The following TSC22D1 variants were observed in gnomAD, a reference collection of about 807,000 sequenced individuals.
TSC22D1 encodes the protein TSC22 domain family protein 1.
In TSC22D1, 9 loss-of-function variants were observed where a neutral mutation model predicts 74.2. The observed-to-expected ratio is 0.12, with a 90% CI of 0.07 to 0.21. TSC22D1 has a LOEUF of 0.21. Ranked by LOEUF, TSC22D1 falls within the 10% of genes least tolerant of loss-of-function variation. TSC22D1 has a pLI of 1.00. For synonymous variants in TSC22D1, 586 were observed against 492.5 expected (o/e 1.19, Z -2.51); for missense variants, 1,427 against 1,304.7 (o/e 1.09, Z -1.44).
intron 1 of TSC22D1, among the ~76,000 whole-genome samples, chr13:44,566,363 A>G (rs1341188653): frequency 1.3e-5 from 2 of 152,212 alleles, no homozygotes; most frequent in African/African-American, 4.8e-5. Flanking sequence ...ATAAAATAGA[A>G]AAAAACTTAA....
chr13:44,441,218 A>G (rs1414251384), intron 1 of TSC22D1, among the ~76,000 whole-genome samples: 5 of 152,182 alleles, frequency 3.3e-5, no homozygotes, highest in Non-Finnish European at 4.4e-5. Context: ...CTGGTCTGCA[A>G]TGGTAAGGGA....
intron 1 of TSC22D1, among the ~76,000 whole-genome samples, chr13:44,543,376 T>C (rs930479199): frequency 1.3e-5 from 2 of 152,244 alleles, no homozygotes; most frequent in African/African-American, 2.4e-5. Context: ...TCAAATGTGC[T>C]ACAACTGACT....
At chr13:44,513,844 CA>C (rs1312245970) in intron 1 of TSC22D1, among the ~76,000 whole-genome samples, 1 of 152,148 alleles carries the variant, frequency 6.6e-6, no homozygotes, top group Non-Finnish European at 1.5e-5. Context: ...ATTCAGATGA[CA>C]AGTTACTTCA....
rs182940700 is a variant in TSC22D1, at chr13:44,551,720, C to T, written c.2912+21443G>A. The stretch of plus-strand genomic sequence containing the variant: ...ACAGGTGTGAGCCATCGTGCCCGGC[C>T]GCCATCAGCTGGTATTTTAAAGATT... On this transcript the variant is annotated intron_variant, in intron 1 of 2. Transcript: ENST00000458659. Among the ~76,000 whole-genome samples, 544 of 152,074 alleles carry T rather than the reference C, an allele frequency of 3.6e-3. 1 individual carries two copies. The highest frequency in any genetic ancestry group is 6.8e-3 in the Middle Eastern group (2 of 294).
At chr13:44,567,519 TAAAAAAGCTA>T (rs1321951551) in intron 1 of TSC22D1, among the ~76,000 whole-genome samples, 1 of 151,784 alleles carries the variant, frequency 6.6e-6, no homozygotes, top group Non-Finnish European at 1.5e-5. Flanking sequence ...AAAAACTTTT[TAAAAAAGCTA>T]ACATTTTATA....
chr13:44,536,990 T>C (rs1274196443), intron 1 of TSC22D1: 1 of 901,358 alleles, frequency 1.1e-6, no homozygotes, highest in Non-Finnish European at 1.3e-6. Context: ...AAAGAATACA[T>C]ATTCAGAAAT....
At chr13:44,517,316 C>T (rs531061071) in intron 1 of TSC22D1, among the ~76,000 whole-genome samples, 145 of 142,182 alleles carry the variant, frequency 1.0e-3, no homozygotes, top group African/African-American at 3.6e-3. Flanking sequence ...CCATCGTTAC[C>T]GTAAAAACAA....
intron 1 of TSC22D1, among the ~76,000 whole-genome samples, chr13:44,438,191 T>C (rs1874895853): frequency 6.6e-6 from 1 of 152,174 alleles, no homozygotes; most frequent in African/African-American, 2.4e-5. Flanking sequence ...AATGGCATAA[T>C]ATAAAAACCA....
chr13:44,568,815 C>A (rs985016394), intron 1 of TSC22D1, among the ~76,000 whole-genome samples: 3 of 152,114 alleles, frequency 2.0e-5, no homozygotes, highest in Non-Finnish European at 4.4e-5. Flanking sequence ...ACAGCGCTGA[C>A]AGATGAAAAC....
chr13:44,568,931 T>C (rs1459414127), intron 1 of TSC22D1, among the ~76,000 whole-genome samples: 1 of 152,070 alleles, frequency 6.6e-6, no homozygotes, highest in Non-Finnish European at 1.5e-5. Flanking sequence ...TTGACAAGAA[T>C]ACTGAATAAT....
chr13:44,537,591 G>A (rs1174566691), intron 1 of TSC22D1: 2 of 984,690 alleles, frequency 2.0e-6, no homozygotes, highest in Non-Finnish European at 2.4e-6. Flanking sequence ...TAAAACGATG[G>A]ACAGTTGTTT....
intron 1 of TSC22D1, among the ~76,000 whole-genome samples, chr13:44,464,438 C>G (rs890716996): frequency 1.3e-5 from 2 of 152,036 alleles, no homozygotes; most frequent in African/African-American, 4.8e-5. Context: ...ACTGACCTTA[C>G]GGAGTTTACA....
chr13:44,534,231 G>GAAAAAAAAA (rs375484588), intron 1 of TSC22D1, among the ~76,000 whole-genome samples: 2 of 99,980 alleles, frequency 2.0e-5, no homozygotes. Flanking sequence ...GTCTCAAGGA[G>GAAAAAAAAA]AAAAAAAAAA....
At chr13:44,549,122 T>C (rs1442116086) in intron 1 of TSC22D1, among the ~76,000 whole-genome samples, 4 of 152,168 alleles carry the variant, frequency 2.6e-5, no homozygotes, top group African/African-American at 7.2e-5. Flanking sequence ...ATTTTAAGTA[T>C]TACTTATGAT....
chr13:44,456,232 C>T lies in TSC22D1; in HGVS notation c.2913-20137G>A, dbSNP rs75725707. On this transcript the variant is annotated intron_variant, in intron 1 of 2. Coordinates refer to ENST00000458659, the MANE Select transcript of TSC22D1 (RefSeq NM_183422.4). ...TAACAGTAAAACAACAAAGCTTCCACGGCGGAGAAGAAGACCCGAGCGGGT... is the reference window on the plus strand; with the variant it reads ...TAACAGTAAAACAACAAAGCTTCCATGGCGGAGAAGAAGACCCGAGCGGGT... 1.2e-3 allele frequency among the ~76,000 whole-genome samples: 190 copies of T among 152,316 alleles called. 4 individuals carry two copies. In the East Asian group the frequency reaches 0.029, roughly 23 times the overall value.
rs181615092 is a variant in TSC22D1, at chr13:44,470,682, G to A, written c.2913-34587C>T. The stretch of plus-strand genomic sequence containing the variant: ...CCAAATACCCTGTGTCACAAAAGCC[G>A]CTGGGAGAAGGCAATGTCTGCCTTC... On this transcript the variant is annotated intron_variant, in intron 1 of 2. Coordinates refer to ENST00000458659, the MANE Select transcript of TSC22D1 (RefSeq NM_183422.4). Among the ~76,000 whole-genome samples the A allele has an allele frequency of 4.6e-5, 7 of 152,242 alleles. No individual in the cohort carries two copies. The South Asian group carries it at 6.2e-4, about 14-fold the overall frequency.
intron 1 of TSC22D1, among the ~76,000 whole-genome samples, chr13:44,560,971 GC>G (rs1191682648): frequency 3.9e-5 from 6 of 152,188 alleles, no homozygotes; most frequent in Middle Eastern, 3.4e-3. Flanking sequence ...AGTCTCATCT[GC>G]TTTAAGATAA....
At chr13:44,543,923 C>T (rs557384436) in intron 1 of TSC22D1, among the ~76,000 whole-genome samples, 1 of 152,166 alleles carries the variant, frequency 6.6e-6, no homozygotes, top group East Asian at 1.9e-4. Flanking sequence ...GAAACCTTGT[C>T]TCTACTAAAA....
chr13:44,444,275 T>C (rs1413877555), intron 1 of TSC22D1, among the ~76,000 whole-genome samples: 5 of 39,420 alleles, frequency 1.3e-4, no homozygotes, highest in Non-Finnish European at 4.5e-5. Context: ...CAAGACTCTG[T>C]CTCAAAAAAA....
Sources: allele counts gnomAD v4.1 joint callset (sites outside exome capture counted in the v4.1 genomes callset), GRCh38; gene constraint gnomAD v4.1.1; transcripts MANE v1.5; gene names NCBI Gene and HGNC (gene_info 2026-07-23, HGNC 2026-07-21).